ICA1L: variants seen among roughly 807,000 people sequenced by gnomAD.
ICA1L encodes islet cell autoantigen 1 like.
Under a neutral mutation model 61.3 loss-of-function variants are expected in ICA1L, and 50 were observed. The ratio of observed to expected loss-of-function variants is 0.82; its 90% confidence interval spans 0.65 to 1.03. The LOEUF (loss-of-function observed/expected upper bound fraction) is 1.03, where lower values mean the gene tolerates loss of function less well. ICA1L is among the 50% of genes least tolerant of loss of function. The pLI is 0.00. For synonymous variants in ICA1L, 161 were observed against 191.3 expected, an observed-to-expected ratio of 0.84 and a Z score of 1.31; for missense variants, 508 against 556.7, an observed-to-expected ratio of 0.91 and a Z score of 0.88.
Position 202,847,695 on chromosome 2 carries a change from T to TTATATATATATATATATATATATA in ICA1L, c.-7-18680_-7-18679insTATATATATATATATATATATATA, listed in dbSNP as rs80134434. On this transcript the variant is annotated intron_variant, in intron 1 of 12. Transcript: ENST00000358299. The stretch of plus-strand genomic sequence containing the variant: ...CTTAGAATGAAATATTATATGGGAA[T>TTATATATATATATATATATATATA]TATATATATATATAGTTAAGCAGTG... 6.2e-4 allele frequency among the ~76,000 whole-genome samples: 63 copies of TTATATATATATATATATATATATA among 102,184 alleles called. 3 individuals are homozygous for TTATATATATATATATATATATATA. Among genetic ancestry groups the TTATATATATATATATATATATATA allele is most frequent in the African/African-American group, 1.5e-3 (34 of 23,298 alleles). The allele number at this position is 102,184 out of a possible 152,430, so 67.0% of individuals were successfully genotyped here. A position where few individuals can be genotyped will look rare whatever the true frequency, so the allele number is the denominator to read the frequency against.
intron 1 of ICA1L, among the ~76,000 whole-genome samples, chr2:202,862,992 C>G (rs1189645782): frequency 1.3e-5 from 2 of 151,646 alleles, no homozygotes; most frequent in African/African-American, 4.8e-5. Context: ...GCTTTAAATA[C>G]CTACATTAGA....
At chr2:202,870,168 G>C (rs1008502233) in intron 1 of ICA1L, among the ~76,000 whole-genome samples, 11 of 152,168 alleles carry the variant, frequency 7.2e-5, no homozygotes, top group African/African-American at 2.7e-4. Flanking sequence ...AGTAGAACAA[G>C]ACAGTATATT....
chr2:202,797,042 AGGTC>A (rs201034285), intron 9 of ICA1L, 78 bp from the exon 10 acceptor site: 10,424 of 880,278 alleles, frequency 0.012, 127 homozygotes, highest in Non-Finnish European at 0.015. Flanking sequence ...GTCTATCATT[AGGTC>A]AAGTGTTCAA....
chr2:202,801,643 G>A (rs746995657), intron 9 of ICA1L, among the ~76,000 whole-genome samples: 31 of 152,084 alleles, frequency 2.0e-4, no homozygotes, highest in Non-Finnish European at 3.8e-4. Flanking sequence ...TGCATTGCTG[G>A]ACTTGTTAGA....
At chr2:202,783,087 A>G (rs1692461973) in intron 12 of ICA1L, among the ~76,000 whole-genome samples, 1 of 152,158 alleles carries the variant, frequency 6.6e-6, no homozygotes, top group South Asian at 2.1e-4. Flanking sequence ...ATAAGTAAAT[A>G]AGTAGGGAAA....
At chr2:202,793,030 G>T (rs1050255402) in intron 10 of ICA1L, among the ~76,000 whole-genome samples, 1 of 152,078 alleles carries the variant, frequency 6.6e-6, no homozygotes, top group African/African-American at 2.4e-5. Context: ...GAGAGAATTT[G>T]GGGGGTAATG....
At chr2:202,817,085 G>A (rs1350492812) in intron 6 of ICA1L, among the ~76,000 whole-genome samples, 1 of 152,186 alleles carries the variant, frequency 6.6e-6, no homozygotes. Flanking sequence ...AGATGAAATT[G>A]TATGTAGAAC....
intron 1 of ICA1L, among the ~76,000 whole-genome samples, chr2:202,851,880 G>A (rs1222905660): frequency 6.6e-6 from 1 of 152,004 alleles, no homozygotes; most frequent in South Asian, 2.1e-4. Flanking sequence ...AAATTTGTTT[G>A]AGTTCTTTGT....
intron 9 of ICA1L, 130 bp from the exon 10 acceptor site, chr2:202,797,094 C>A: frequency 1.9e-6 from 1 of 531,946 alleles, no homozygotes. Flanking sequence ...AAAAGGGAAA[C>A]ATAAAAATTT....
chr2:202,791,895 C>T (rs957295525), intron 10 of ICA1L, among the ~76,000 whole-genome samples: 15 of 151,836 alleles, frequency 9.9e-5, no homozygotes, highest in Non-Finnish European at 1.8e-4. Context: ...ATACCAGGCA[C>T]GGTGGCTCAT....
chr2:202,786,446 G>C (rs1487442165), intron 11 of ICA1L, among the ~76,000 whole-genome samples: 1 of 152,114 alleles, frequency 6.6e-6, no homozygotes, highest in Non-Finnish European at 1.5e-5. Flanking sequence ...CTACTCGGGA[G>C]GCTGAGGCAG....
chr2:202,809,817 A>T (rs1272214975), intron 9 of ICA1L, among the ~76,000 whole-genome samples: 2 of 152,120 alleles, frequency 1.3e-5, no homozygotes, highest in Non-Finnish European at 2.9e-5. Context: ...AAGAATAAAA[A>T]ACAATGAAGC....
Position 202,849,373 on chromosome 2 carries a change from G to C in ICA1L, c.-7-20357C>G, listed in dbSNP as rs1256471735. ...ACTCCCACAGAGCCCAGCAAGCTAA[G>C]AACCACTGGGTTGAAATTCTCACTG... is the stretch of plus-strand genomic sequence containing the variant. On this transcript the variant is annotated intron_variant, in intron 1 of 12. Transcript: ENST00000358299. The surrounding 1 kb of genome is among the most constrained non-coding windows in gnomAD (Gnocchi z 4.5). Among the ~76,000 whole-genome samples the C allele has an allele frequency of 2.6e-5, 4 of 152,194 alleles. No individual in the cohort carries two copies.
At position 202,774,701 on chromosome 2, in the gene ICA1L, G is replaced by A. The variant is rs1270768095; in HGVS notation, c.*4832C>T. 5.8e-6 allele frequency: 1 copy of A among 173,164 alleles called. No homozygotes were observed. Among genetic ancestry groups the A allele is most frequent in the South Asian group, 2.0e-4 (1 of 5,118 alleles). 10.7% of individuals were successfully genotyped at this position (173,164 alleles called of 1,614,324 possible). Reference sequence around the variant, plus strand: ...GTCAGGGAGAAGCACACAAGAAAAAGAGAATTTCACTGGTGCATTTAAATG... The same window carrying A: ...GTCAGGGAGAAGCACACAAGAAAAAAAGAATTTCACTGGTGCATTTAAATG... On this transcript the variant is annotated 3_prime_UTR_variant, in exon 13 of 13. Transcript: ENST00000358299.
Position 202,814,717 on chromosome 2 carries a change from G to C in ICA1L, c.851C>G (p.Thr284Ser). 1 of 1,613,068 alleles carries C rather than the reference G, an allele frequency of 6.2e-7. No individual in the cohort carries two copies. Among genetic ancestry groups the C allele is most frequent in the Non-Finnish European group, 8.5e-7 (1 of 1,179,202 alleles). Reference protein sequence around the residue: ...NKDEQIGGFLTEQLNKLVLSD... With the variant: ...NKDEQIGGFLSEQLNKLVLSD... ...GCCTGCTTACTTATTGAGCTGTTCA[G>C]TAAGAAAACCGCCTATTTGTTCATC... The change falls in exon 8 of 13, where the codon ACT (threonine) becomes AGT (serine). Residue 284 changes from threonine (T) to serine (S), a missense_variant. By Grantham distance (58) the Thr-to-Ser change is moderately conservative. Transcript: ENST00000358299.
intron 1 of ICA1L, among the ~76,000 whole-genome samples, chr2:202,851,141 C>T (rs530287619): frequency 6.6e-6 from 1 of 151,914 alleles, no homozygotes; most frequent in African/African-American, 2.4e-5. Context: ...AGGTATATCT[C>T]CTAATGCTAT....
At chr2:202,791,869 A>T (rs1183909938) in intron 10 of ICA1L, among the ~76,000 whole-genome samples, 1 of 151,536 alleles carries the variant, frequency 6.6e-6, no homozygotes, top group Non-Finnish European at 1.5e-5. Flanking sequence ...GCACTAGAAT[A>T]ACTGTTACTT....
chr2:202,785,424 C>CTT (rs747109825), intron 12 of ICA1L, among the ~76,000 whole-genome samples: 4 of 151,906 alleles, frequency 2.6e-5, no homozygotes, highest in Non-Finnish European at 5.9e-5. Context: ...CAGTTTCTTT[C>CTT]TTTCTTTTCT....
intron 10 of ICA1L, among the ~76,000 whole-genome samples, chr2:202,792,836 G>C (rs1019941145): frequency 1.1e-4 from 17 of 151,976 alleles, no homozygotes; most frequent in African/African-American, 4.1e-4. Flanking sequence ...ATAAACTACT[G>C]ATATATACAA....
Sources: allele counts gnomAD v4.1 joint callset (sites outside exome capture counted in the v4.1 genomes callset), GRCh38; gene constraint gnomAD v4.1.1; non-coding constraint Gnocchi (gnomAD v3.1); transcripts MANE v1.5; gene names NCBI Gene and HGNC (gene_info 2026-07-23, HGNC 2026-07-21).